Variants in NFIC observed in about 807,000 individuals in gnomAD.
NFIC encodes nuclear factor 1 C-type.
NFIC carries 12 observed loss-of-function variants against 54.4 expected under a neutral mutation model. That is an observed-to-expected ratio of 0.22 (90% CI 0.14 to 0.36). The LOEUF (loss-of-function observed/expected upper bound fraction) is 0.36, where lower values mean the gene tolerates loss of function less well. Among genes scored for constraint, NFIC ranks in the 10% least tolerant of loss-of-function variants. The pLI, the probability that NFIC is intolerant of heterozygous loss-of-function variation, is 1.00. For missense variants in NFIC, 575 were observed against 718.2 expected (o/e 0.80, Z 2.28); for synonymous variants, 322 against 319.2 (o/e 1.01, Z -0.09).
intron 2 of NFIC, among the ~76,000 whole-genome samples, chr19:3,423,013 A>G (rs911023055): frequency 6.6e-5 from 2 of 30,324 alleles, no homozygotes; most frequent in African/African-American, 2.3e-4. Flanking sequence ...CCTGACCAAC[A>G]TGGTGAAACT....
rs909704053 is a variant in NFIC, at chr19:3,454,241, G to A, written c.1423+325G>A. ...TGTCAGGCAGCTGACAGTGGACACG[G>A]ATCTCACAGTGGCGGCCCGAGGGCC... On this transcript the variant is annotated intron_variant, in intron 9 of 10. Transcript: ENST00000443272. 14 of 1,175,072 alleles carry A rather than the reference G, an allele frequency of 1.2e-5. No individual in the cohort carries two copies. The East Asian group carries it at 2.1e-4, about 17-fold the overall frequency. The allele number at this position is 1,175,072 out of a possible 1,614,324, so 72.8% of individuals were successfully genotyped here.
Position 3,425,148 on chromosome 19 carries a change from A to C in NFIC, c.605A>C (p.Asp202Ala), listed in dbSNP as rs1303353893. Residue 202 changes from aspartate (D) to alanine (A), a missense_variant, in exon 3 of 11, where the codon GAC becomes GCC. Coordinates refer to ENST00000443272, the MANE Select transcript of NFIC (RefSeq NM_001245002.2). ...AGTCCCCGGACAGGGATGGGCTCTG[A>C]CCAGGAGGACAGCAAGCCCATCACG... ...SGSPRTGMGS[D>A]QEDSKPITLD... 1.2e-6 allele frequency: 2 copies of C among 1,612,808 alleles called. No individual in the cohort carries two copies. The highest frequency in any genetic ancestry group is 8.5e-7 in the Non-Finnish European group (1 of 1,179,908).
At chr19:3,408,052 TTAGC>T (rs2081683309) in intron 2 of NFIC, among the ~76,000 whole-genome samples, 1 of 152,092 alleles carries the variant, frequency 6.6e-6, no homozygotes. Context: ...GGTTCTCTCT[TTAGC>T]TGGCTGAGGT....
intron 2 of NFIC, among the ~76,000 whole-genome samples, chr19:3,389,489 A>G (rs1251940900): frequency 6.6e-6 from 1 of 152,158 alleles, no homozygotes; most frequent in Non-Finnish European, 1.5e-5. Flanking sequence ...GAGACAGGCC[A>G]TGAGCTCGGG....
chr19:3,406,943 T>C (rs1053511305), intron 2 of NFIC, among the ~76,000 whole-genome samples: 3 of 144,804 alleles, frequency 2.1e-5, no homozygotes, highest in African/African-American at 7.7e-5. Context: ...GGACCGTGCC[T>C]GGTGCATTGG....
chr19:3,431,008 C>T (rs548900995), intron 3 of NFIC, among the ~76,000 whole-genome samples: 1 of 151,876 alleles, frequency 6.6e-6, no homozygotes, highest in South Asian at 2.1e-4. Context: ...CTCTGGTGTC[C>T]CTCACTGAAT....
chr19:3,450,174 TCTCTACTAAA>T (rs2082438041), intron 7 of NFIC, among the ~76,000 whole-genome samples: 1 of 150,058 alleles, frequency 6.7e-6, no homozygotes, highest in Admixed American at 6.7e-5. Flanking sequence ...TGAAACCCCG[TCTCTACTAAA>T]AATACAAAAA....
chr19:3,435,325 G>C, intron 6 of NFIC, 118 bp downstream of exon 6: 1 of 1,353,862 alleles, frequency 7.4e-7, no homozygotes, highest in Non-Finnish European at 9.7e-7. Flanking sequence ...CTGGAGCCGC[G>C]GGGCCTCCTG....
At chr19:3,379,677 T>A (rs1401309814) in intron 1 of NFIC, among the ~76,000 whole-genome samples, 2 of 47,928 alleles carry the variant, frequency 4.2e-5, no homozygotes, top group Non-Finnish European at 1.4e-4. Context: ...TTCTTTCTTT[T>A]TTTTTTTTTT....
In NFIC at chr19:3,435,181, G is replaced by A. The variant is rs1476944046; in HGVS notation, c.932G>A (p.Arg311His). ...CCCAGCTCGCCCACGAGTAGCAGCC[G>A]CAACTGGACGGAGGACATGGAAGGA... ...TSPSSPTSSS[R>H]NWTEDMEGGI... The change falls in exon 6 of 11, where the codon CGC becomes CAC. Residue 311 changes from arginine (R) to histidine (H), a missense_variant. By Grantham distance (29) the Arg-to-His change is conservative (BLOSUM62 0). Around this residue, in one of 3 missense-constraint regions of NFIC, gnomAD observed 447 missense variants for 526.9 expected, o/e 0.85. Transcript: ENST00000443272. 4 of 1,605,248 alleles carry A rather than the reference G, an allele frequency of 2.5e-6. No homozygotes were observed. Among genetic ancestry groups the A allele is most frequent in the Admixed American group, 3.4e-5 (2 of 58,652 alleles).
intron 2 of NFIC, among the ~76,000 whole-genome samples, chr19:3,424,456 A>G (rs1043956112): frequency 6.6e-6 from 1 of 152,230 alleles, no homozygotes; most frequent in African/African-American, 2.4e-5. Context: ...GGCTCACTGC[A>G]ACCTCCGCCT....
rs924690913 is a variant in NFIC at position 3,466,984 on chromosome 19, C to G, written c.*4215C>G. 1.3e-5 allele frequency: 2 copies of G among 152,168 alleles called. No individual in the cohort carries two copies. The highest frequency in any genetic ancestry group is 2.9e-5 in the Non-Finnish European group (2 of 68,036). 9.4% of individuals were successfully genotyped at this position (152,168 alleles called of 1,614,324 possible). Reference sequence around the variant, plus strand: ...TAGGGCAAAATTCCCAGGCGCCTTGCTGCAGACAGAGTAAGACAAAAACAC... The same window carrying G: ...TAGGGCAAAATTCCCAGGCGCCTTGGTGCAGACAGAGTAAGACAAAAACAC... On this transcript the variant is annotated 3_prime_UTR_variant, in exon 11 of 11. Transcript: ENST00000443272. The surrounding 1 kb of genome is among the most constrained non-coding windows in gnomAD (Gnocchi z 4.8).
intron 2 of NFIC, among the ~76,000 whole-genome samples, chr19:3,417,540 C>G (rs1291350346): frequency 2.0e-5 from 3 of 151,850 alleles, no homozygotes; most frequent in Admixed American, 6.6e-5. Flanking sequence ...CACATCTGCT[C>G]AGACCGAAAG....
rs1188928887 is a variant in NFIC, at chr19:3,452,196, AG to A, written c.1085-284del. On this transcript the variant is annotated intron_variant, in intron 7 of 10. Coordinates refer to ENST00000443272, the MANE Select transcript of NFIC (RefSeq NM_001245002.2). The surrounding 1 kb of genome is among the most constrained non-coding windows in gnomAD (Gnocchi z 5.3). ...CTAGGAGGGAGGATCGCTTGAGCCC[AG>A]GAGTTCGAGACCTGCCTGGGCAACA... Among the ~76,000 whole-genome samples the A allele has an allele frequency of 9.9e-5, 15 of 151,658 alleles. No individual in the cohort carries two copies. Among genetic ancestry groups the A allele is most frequent in the African/African-American group, 3.4e-4 (14 of 41,342 alleles).
chr19:3,377,332 TC>T (rs1265316763), intron 1 of NFIC, among the ~76,000 whole-genome samples: 2 of 10,546 alleles, frequency 1.9e-4, no homozygotes, highest in Non-Finnish European at 1.9e-4. Context: ...AGACTCTGTC[TC>T]AAAAAAAAAA....
intron 2 of NFIC, among the ~76,000 whole-genome samples, chr19:3,398,541 G>A (rs779224213): frequency 1.3e-5 from 2 of 152,074 alleles, no homozygotes; most frequent in Non-Finnish European, 2.9e-5. Context: ...TCACACACTG[G>A]AAACCATCAC....
chr19:3,439,887 A>G (rs1467324185), intron 6 of NFIC, among the ~76,000 whole-genome samples: 1 of 151,478 alleles, frequency 6.6e-6, no homozygotes, highest in Non-Finnish European at 1.5e-5. Context: ...ACGGGGTTTC[A>G]CCGTGTTAGC....
rs574339894 is a variant in NFIC, at chr19:3,387,803, G to A, written c.562+5560G>A. ...GGCCTTCCAGTGAGGGTGACCAGCC[G>A]GGGGTGGGGCGGGAGAGGGTGACCC... is the stretch of plus-strand genomic sequence containing the variant. On this transcript the variant is annotated intron_variant, in intron 2 of 10. Coordinates refer to ENST00000443272, the MANE Select transcript of NFIC (RefSeq NM_001245002.2). Among the ~76,000 whole-genome samples the A allele has an allele frequency of 1.6e-4, 24 of 152,198 alleles. No individual in the cohort carries two copies. The South Asian group carries it at 4.1e-3, about 26-fold the overall frequency.
At chr19:3,383,590 C>G (rs756445261) in intron 2 of NFIC, among the ~76,000 whole-genome samples, 10 of 152,180 alleles carry the variant, frequency 6.6e-5, no homozygotes, top group Non-Finnish European at 1.0e-4. Context: ...TGCGTGTAGC[C>G]ACGTGCGAGG....
Sources: gnomAD v4.1 joint callset for allele counts (sites outside exome capture counted in the v4.1 genomes callset) on GRCh38, gnomAD v4.1.1 for gene constraint, gnomAD v4.1.1 regional missense constraint, Gnocchi (gnomAD v3.1) non-coding constraint, MANE v1.5 for transcripts, NCBI Gene and HGNC (gene_info 2026-07-23, HGNC 2026-07-21) for gene names.